SLC25A21: variants seen among roughly 807,000 people sequenced by gnomAD.
The protein encoded by SLC25A21 is solute carrier family 25 member 21, also known as mitochondrial 2-oxodicarboxylate carrier.
A neutral mutation model predicts 43.8 loss-of-function variants in SLC25A21; 47 were observed. The observed-to-expected ratio is 1.07, with a 90% CI of 0.85 to 1.37. SLC25A21 has a LOEUF of 1.37. Among genes scored for constraint, SLC25A21 ranks in the 40% most tolerant of loss-of-function variants. SLC25A21 has a pLI of 0.00. For synonymous variants in SLC25A21, 131 were observed against 121.3 expected (o/e 1.08, Z -0.52); for missense variants, 352 against 350.2 (o/e 1.00, Z -0.04).
intron 3 of SLC25A21, among the ~76,000 whole-genome samples, chr14:36,807,465 T>A (rs1408532635): frequency 6.6e-6 from 1 of 152,164 alleles, no homozygotes; most frequent in African/African-American, 2.4e-5. Flanking sequence ...ATAATTAGAT[T>A]CATGGCTGTG....
chr14:36,832,252 CAAAAT>C (rs774090366), intron 2 of SLC25A21, among the ~76,000 whole-genome samples: 6 of 151,930 alleles, frequency 3.9e-5, no homozygotes, highest in South Asian at 4.2e-4. Flanking sequence ...AATGATTCTA[CAAAAT>C]AATATATATA....
At chr14:37,041,443 C>A (rs778814732) in intron 1 of SLC25A21, among the ~76,000 whole-genome samples, 1 of 151,886 alleles carries the variant, frequency 6.6e-6, no homozygotes, top group Non-Finnish European at 1.5e-5. Context: ...CACTTTGAAC[C>A]CAAGAGTTCA....
At chr14:37,015,214 C>T (rs1189772027) in intron 1 of SLC25A21, among the ~76,000 whole-genome samples, 4 of 125,852 alleles carry the variant, frequency 3.2e-5, no homozygotes, top group Non-Finnish European at 6.5e-5. Context: ...ACAACAGTCC[C>T]CAGAGTGTGA....
chr14:37,006,849 ACT>A (rs1282838110), intron 1 of SLC25A21, among the ~76,000 whole-genome samples: 3 of 151,974 alleles, frequency 2.0e-5, no homozygotes, highest in African/African-American at 2.4e-5. Context: ...ATCAAGGGAA[ACT>A]CTGTTCTTTT....
At chr14:36,865,108 C>T (rs777761681) in intron 2 of SLC25A21, among the ~76,000 whole-genome samples, 3 of 151,754 alleles carry the variant, frequency 2.0e-5, no homozygotes, top group Non-Finnish European at 2.9e-5. Context: ...GTTGGCCCAA[C>T]ATCCCCTTTC....
At chr14:36,702,560 G>A (rs1055327469) in intron 7 of SLC25A21, among the ~76,000 whole-genome samples, 3 of 151,370 alleles carry the variant, frequency 2.0e-5, no homozygotes, top group Non-Finnish European at 4.4e-5. Context: ...GCCCCATCAT[G>A]GGTCTAGATT....
At chr14:37,007,714 A>G (rs1043225545) in intron 1 of SLC25A21, among the ~76,000 whole-genome samples, 86 of 151,986 alleles carry the variant, frequency 5.7e-4, no homozygotes, top group African/African-American at 2.0e-3. Context: ...ATCGATCTTG[A>G]TATTATTGGC....
chr14:36,875,091 G>T lies in SLC25A21; in HGVS notation c.71-87C>A. ...ATCCCGTCGATTTCTCGAGTGTGAG[G>T]GTTCAGATAAAGAACTTGGGACTTC... is the stretch of plus-strand genomic sequence containing the variant. On this transcript the variant is annotated intron_variant, in intron 1 of 9. Coordinates refer to ENST00000331299, the MANE Select transcript of SLC25A21 (RefSeq NM_030631.4). 3.7e-6 allele frequency: 4 copies of T among 1,090,114 alleles called. No homozygotes were observed. In the South Asian group the frequency reaches 4.5e-5, roughly 12 times the overall value. The allele number at this position is 1,090,114 out of a possible 1,614,324, so 67.5% of individuals were successfully genotyped here.
intron 1 of SLC25A21, among the ~76,000 whole-genome samples, chr14:37,088,775 T>C (rs1184345091): frequency 1.3e-5 from 2 of 152,104 alleles, no homozygotes; most frequent in African/African-American, 4.8e-5. Flanking sequence ...AGAAAATTAG[T>C]AACCAAGAAA....
intron 1 of SLC25A21, among the ~76,000 whole-genome samples, chr14:37,100,362 C>T (rs867917427): frequency 6.6e-6 from 1 of 151,784 alleles, no homozygotes; most frequent in Non-Finnish European, 1.5e-5. Flanking sequence ...CTGGCTGCCA[C>T]CACCTCTAGG....
intron 1 of SLC25A21, among the ~76,000 whole-genome samples, chr14:36,963,521 A>T (rs1959544449): frequency 6.6e-6 from 1 of 152,346 alleles, no homozygotes; most frequent in Admixed American, 6.5e-5. Context: ...CAAAACAGAC[A>T]GTTCAACCAA....
chr14:37,149,598 G>A (rs1594818458), intron 1 of SLC25A21, among the ~76,000 whole-genome samples: 1 of 152,242 alleles, frequency 6.6e-6, no homozygotes, highest in Non-Finnish European at 1.5e-5. Context: ...AGGAAGCTGA[G>A]GCAGCAGAAT....
intron 3 of SLC25A21, among the ~76,000 whole-genome samples, chr14:36,798,382 G>A (rs1456529231): frequency 1.3e-5 from 2 of 152,076 alleles, no homozygotes; most frequent in Non-Finnish European, 2.9e-5. Flanking sequence ...GAAACCTGTA[G>A]GTATTGGAAA....
At chr14:36,955,476 C>T (rs899167192) in intron 1 of SLC25A21, among the ~76,000 whole-genome samples, 4 of 152,156 alleles carry the variant, frequency 2.6e-5, no homozygotes, top group African/African-American at 9.7e-5. Flanking sequence ...GGGGACAAGT[C>T]TATCCTGTCA....
chr14:36,758,800 G>C (rs1886031728), intron 3 of SLC25A21, among the ~76,000 whole-genome samples: 1 of 152,110 alleles, frequency 6.6e-6, no homozygotes, highest in Non-Finnish European at 1.5e-5. Flanking sequence ...GAATTCTTTG[G>C]TTCTGATAAA....
chr14:36,711,178 C>T, intron 7 of SLC25A21, 140 bp downstream of exon 7: 1 of 737,542 alleles, frequency 1.4e-6, no homozygotes. Context: ...TAACAGCACT[C>T]AATGCAGATG....
Position 36,680,721 on chromosome 14 carries a change from T to C in SLC25A21, c.839-2A>G, listed in dbSNP as rs756034482. The C allele has an allele frequency of 1.2e-6, 2 of 1,611,062 alleles. No individual in the cohort carries two copies. Among genetic ancestry groups the C allele is most frequent in the African/African-American group, 1.3e-5 (1 of 74,466 alleles). On this transcript the variant is annotated splice_acceptor_variant, in intron 9 of 9. Coordinates refer to ENST00000331299, the MANE Select transcript of SLC25A21 (RefSeq NM_030631.4). LOFTEE classifies it high-confidence loss of function. ...AAACCAGCAGCATCACTGCACCACC[T>C]AGAAAAGAAAAGAGCTGTTTTTTAT...
chr14:36,731,577 T>A (rs1050397331), intron 4 of SLC25A21, among the ~76,000 whole-genome samples: 1 of 152,222 alleles, frequency 6.6e-6, no homozygotes, highest in African/African-American at 2.4e-5. Context: ...CTTAAGTATA[T>A]GAGCACTCCT....
At chr14:36,846,527 G>A (rs1362656942) in intron 2 of SLC25A21, among the ~76,000 whole-genome samples, 2 of 151,948 alleles carry the variant, frequency 1.3e-5, no homozygotes, top group South Asian at 4.2e-4. Context: ...GATTACAGGT[G>A]CCTGCCACCA....
Sources: allele counts gnomAD v4.1 joint callset (sites outside exome capture counted in the v4.1 genomes callset), GRCh38; gene constraint gnomAD v4.1.1; transcripts MANE v1.5; gene names NCBI Gene and HGNC (gene_info 2026-07-23, HGNC 2026-07-21).